Variants in FMN1 observed in about 807,000 individuals in gnomAD.
The protein encoded by FMN1 is formin-1.
A neutral mutation model predicts 132.4 loss-of-function variants in FMN1; 110 were observed. The ratio of observed to expected loss-of-function variants is 0.83; its 90% CI spans 0.71 to 0.97. The LOEUF is 0.97. Among genes scored for constraint, FMN1 ranks in the 50% least tolerant of loss-of-function variants. The probability of loss-of-function intolerance (pLI) is 0.00; values close to 1 mark genes in which losing one functional copy is unlikely to be tolerated. For synonymous variants in FMN1, 722 were observed against 651.7 expected (o/e 1.11, Z -1.64); for missense variants, 1,792 against 1,705.3 (o/e 1.05, Z -0.90).
chr15:33,087,203 T>G (rs557145959), intron 5 of FMN1, among the ~76,000 whole-genome samples: 1 of 152,288 alleles, frequency 6.6e-6, no homozygotes, highest in East Asian at 1.9e-4. Flanking sequence ...CCCAGTGCTT[T>G]CTAAGGAGGA....
intron 6 of FMN1, chr15:33,063,850 GT>G (rs953068908): frequency 1.5e-4 from 23 of 152,150 alleles, no homozygotes; most frequent in Admixed American, 1.2e-3. Context: ...CCCTTATGCT[GT>G]TCATTCTTAC....
At chr15:33,059,274 GT>G (rs2037374220) in intron 6 of FMN1, among the ~76,000 whole-genome samples, 1 of 152,050 alleles carries the variant, frequency 6.6e-6, no homozygotes, top group Non-Finnish European at 1.5e-5. Flanking sequence ...ATATAACATA[GT>G]TTATTTATCC....
At chr15:32,779,688 T>C (rs1435378794) in intron 19 of FMN1, among the ~76,000 whole-genome samples, 1 of 152,134 alleles carries the variant, frequency 6.6e-6, no homozygotes, top group Non-Finnish European at 1.5e-5. Context: ...AACTAACATT[T>C]ATTGGGTACT....
chr15:32,788,444 T>C (rs2056953262), intron 19 of FMN1, among the ~76,000 whole-genome samples: 1 of 152,214 alleles, frequency 6.6e-6, no homozygotes, highest in Admixed American at 6.5e-5. Context: ...CTCCCCCTTT[T>C]GGTTTTGAAA....
chr15:32,879,005 C>T (rs918074123), intron 16 of FMN1, among the ~76,000 whole-genome samples: 8 of 152,136 alleles, frequency 5.3e-5, no homozygotes, highest in South Asian at 2.1e-4. Context: ...ATTAATTAAA[C>T]GGATGAATCA....
In FMN1 at chr15:32,796,779, GAGT is replaced by G. The variant is rs572867837; in HGVS notation, c.4130+2022_4130+2024del. On this transcript the variant is annotated intron_variant, in intron 19 of 20. Transcript: ENST00000616417. ...CAAGCAGTTTGTTTAAATGGTTGAG[GAGT>G]AATATACATAATGTGCTAATATTTC... Among the ~76,000 whole-genome samples the G allele has an allele frequency of 2.0e-5, 3 of 152,206 alleles. 1 individual carries two copies. In the South Asian group the frequency reaches 6.2e-4, roughly 31 times the overall value.
intron 9 of FMN1, among the ~76,000 whole-genome samples, chr15:32,961,136 CTTT>C (rs759322803): frequency 2.1e-5 from 3 of 139,862 alleles, no homozygotes; most frequent in African/African-American, 2.6e-5. Context: ...TATTGTTCAT[CTTT>C]TTTTTTTTTT....
chr15:32,821,806 T>C (rs2058225604), intron 17 of FMN1, among the ~76,000 whole-genome samples: 1 of 152,148 alleles, frequency 6.6e-6, no homozygotes, highest in South Asian at 2.1e-4. Context: ...CTACAGCTTA[T>C]TATATCTCAA....
chr15:32,804,416 T>G, intron 17 of FMN1, 84 bp from the exon 18 acceptor site: 3 of 205,066 alleles, frequency 1.5e-5, no homozygotes, highest in Non-Finnish European at 1.8e-5. Context: ...CACCCATTCA[T>G]TACCACAGGA....
intron 6 of FMN1, among the ~76,000 whole-genome samples, chr15:33,060,534 C>T (rs953857692): frequency 6.6e-6 from 1 of 152,150 alleles, no homozygotes; most frequent in African/African-American, 2.4e-5. Flanking sequence ...TTCTAAATTG[C>T]TCCTAGGTTC....
rs747427878 is a variant in FMN1 at position 33,129,610 on chromosome 15, G to A, written c.1867+23438C>T. ...CTCACAACCATCCACTGTCGTGGGTGTCACCCCAATCCTACAGATGAGGAG... is the reference window on the plus strand; with the variant it reads ...CTCACAACCATCCACTGTCGTGGGTATCACCCCAATCCTACAGATGAGGAG... On this transcript the variant is annotated intron_variant, in intron 4 of 20. Transcript: ENST00000616417. Among the ~76,000 whole-genome samples, 97 of 152,218 alleles carry A rather than the reference G, an allele frequency of 6.4e-4. No homozygotes were observed. In the Middle Eastern group the frequency reaches 0.027, roughly 43 times the overall value.
At chr15:32,941,003 A>G (rs945871772) in intron 9 of FMN1, among the ~76,000 whole-genome samples, 3 of 138,152 alleles carry the variant, frequency 2.2e-5, no homozygotes, top group Non-Finnish European at 4.5e-5. Context: ...GTAAATAACA[A>G]AGGAAAGGTT....
At chr15:33,001,181 G>C (rs897423954) in intron 7 of FMN1, among the ~76,000 whole-genome samples, 1 of 152,136 alleles carries the variant, frequency 6.6e-6, no homozygotes, top group Non-Finnish European at 1.5e-5. Flanking sequence ...TACTCAAGAG[G>C]CTGAGGCAAG....
intron 12 of FMN1, among the ~76,000 whole-genome samples, chr15:32,907,752 C>CCCTCTGAACCTGTGTCAGAGGACACAGGT (rs1017398148): frequency 2.6e-4 from 22 of 85,592 alleles, no homozygotes; most frequent in Non-Finnish European, 4.1e-4. Context: ...GCAAAAGAGG[C>CCCTCTGAACCTGTGTCAGAGGACACAGGT]CCTCTGAACC....
intron 4 of FMN1, among the ~76,000 whole-genome samples, chr15:33,094,066 CCAGAT>C (rs56854654): frequency 0.29 from 43,420 of 151,692 alleles, 7,000 homozygotes; most frequent in Admixed American, 0.37. Flanking sequence ...TTGCCAGTCT[CCAGAT>C]GAGAATATTG....
At chr15:32,789,196 T>C (rs1056917084) in intron 19 of FMN1, among the ~76,000 whole-genome samples, 2 of 152,198 alleles carry the variant, frequency 1.3e-5, no homozygotes, top group Non-Finnish European at 2.9e-5. Context: ...AATTATCTTC[T>C]AGGGGCCTAT....
chr15:33,102,046 C>T (rs1304511558), intron 4 of FMN1, among the ~76,000 whole-genome samples: 1 of 152,130 alleles, frequency 6.6e-6, no homozygotes, highest in Non-Finnish European at 1.5e-5. Context: ...TTACTTGTGT[C>T]TTCCAAACTA....
At chr15:33,119,800 T>C (rs1962379031) in intron 4 of FMN1, among the ~76,000 whole-genome samples, 1 of 152,230 alleles carries the variant, frequency 6.6e-6, no homozygotes. Context: ...TTTCAGATTT[T>C]GAAAGCCAGT....
At chr15:33,124,155 C>T (rs1482168224) in intron 4 of FMN1, among the ~76,000 whole-genome samples, 2 of 152,186 alleles carry the variant, frequency 1.3e-5, no homozygotes, top group Non-Finnish European at 2.9e-5. Flanking sequence ...AATAGATCAG[C>T]TTCATCCTAA....
Sources: gnomAD v4.1 joint callset for allele counts (sites outside exome capture counted in the v4.1 genomes callset) on GRCh38, gnomAD v4.1.1 for gene constraint, MANE v1.5 for transcripts, NCBI Gene and HGNC (gene_info 2026-07-23, HGNC 2026-07-21) for gene names.